The following ENTREP2 variants were observed in gnomAD, a reference collection of about 807,000 sequenced individuals.
The protein encoded by ENTREP2 is endosomal transmembrane epsin interactor 2, also known as protein ENTREP2.
chr15:29,537,320 C>T, the ENTREP2 span, among the ~76,000 whole-genome samples: 2 of 152,140 alleles, frequency 1.3e-5, no homozygotes, highest in Non-Finnish European at 2.9e-5. Flanking sequence ...CTCACACCGC[C>T]AGACACAAAC....
At chr15:29,665,991 T>C in the ENTREP2 span, among the ~76,000 whole-genome samples, 1 of 151,528 alleles carries the variant, frequency 6.6e-6, no homozygotes. Context: ...GTAGCTGGGA[T>C]TGCAGGCACA....
At chr15:29,354,021 G>A in the ENTREP2 span, among the ~76,000 whole-genome samples, 2 of 152,208 alleles carry the variant, frequency 1.3e-5, no homozygotes, top group Admixed American at 1.3e-4. Context: ...ATGTGTGTCA[G>A]GGTGTCTCCA....
the ENTREP2 span, among the ~76,000 whole-genome samples, chr15:29,651,032 ATAAAACTGGTTAAG>A: frequency 6.6e-6 from 1 of 152,178 alleles, no homozygotes; most frequent in South Asian, 2.1e-4. Flanking sequence ...CATAAAAATA[ATAAAACTGGTTAAG>A]TTATCTGAAG....
chr15:29,217,809 T>C, the ENTREP2 span, among the ~76,000 whole-genome samples: 25 of 152,296 alleles, frequency 1.6e-4, 1 homozygote, highest in Middle Eastern at 6.8e-3. Flanking sequence ...GTGTGATTTT[T>C]TGGGGGTGTT....
At chr15:29,280,071 T>TA in the ENTREP2 span, among the ~76,000 whole-genome samples, 50 of 152,084 alleles carry the variant, frequency 3.3e-4, no homozygotes, top group Middle Eastern at 3.4e-3. Context: ...CATTTCACAG[T>TA]AAAAAAAACC....
chr15:29,534,526 C>T, the ENTREP2 span, among the ~76,000 whole-genome samples: 18 of 152,246 alleles, frequency 1.2e-4, no homozygotes, highest in South Asian at 3.7e-3. Context: ...ATAAATGACC[C>T]AGATTAGTCT....
the ENTREP2 span, among the ~76,000 whole-genome samples, chr15:29,259,633 C>A: frequency 6.6e-6 from 1 of 152,038 alleles, no homozygotes. Context: ...TTACTAACCA[C>A]CCCCTACACC....
chr15:29,381,025 C>T, the ENTREP2 span, among the ~76,000 whole-genome samples: 62 of 151,608 alleles, frequency 4.1e-4, no homozygotes, highest in African/African-American at 1.4e-3. Flanking sequence ...GCTAATTTTT[C>T]TAATTTTAGT....
chr15:29,278,405 GT>G, the ENTREP2 span, among the ~76,000 whole-genome samples: 1 of 152,310 alleles, frequency 6.6e-6, no homozygotes, highest in South Asian at 2.1e-4. Flanking sequence ...GTCCACAGCT[GT>G]CCCCTTTCTG....
the ENTREP2 span, among the ~76,000 whole-genome samples, chr15:29,426,408 A>AT: frequency 3.3e-5 from 5 of 152,082 alleles, no homozygotes; most frequent in East Asian, 1.9e-4. Context: ...CTTATCTTTG[A>AT]TTTTTTTTGA....
the ENTREP2 span, among the ~76,000 whole-genome samples, chr15:29,535,494 T>A: frequency 6.6e-6 from 1 of 152,128 alleles, no homozygotes; most frequent in Non-Finnish European, 1.5e-5. Context: ...AGTTCAAGAC[T>A]AGCCTGGTGA....
the ENTREP2 span, among the ~76,000 whole-genome samples, chr15:29,387,910 A>G: frequency 6.6e-6 from 1 of 152,254 alleles, no homozygotes; most frequent in Non-Finnish European, 1.5e-5. Flanking sequence ...AAAACTGGCT[A>G]GCCATACGTA....
At chr15:29,544,850 C>CT in the ENTREP2 span, among the ~76,000 whole-genome samples, 1 of 152,176 alleles carries the variant, frequency 6.6e-6, no homozygotes. Flanking sequence ...AAGAAACAAA[C>CT]TGAGAAACAG....
chr15:29,397,528 G>A, the ENTREP2 span, among the ~76,000 whole-genome samples: 1 of 152,162 alleles, frequency 6.6e-6, no homozygotes, highest in African/African-American at 2.4e-5. Context: ...CACTTACAGG[G>A]CTGTAGAGAA....
chr15:29,655,024 T>C, the ENTREP2 span, among the ~76,000 whole-genome samples: 1 of 152,190 alleles, frequency 6.6e-6, no homozygotes, highest in African/African-American at 2.4e-5. Context: ...TCAAATGATT[T>C]GTAAACAGCT....
chr15:29,645,453 C>T, the ENTREP2 span, among the ~76,000 whole-genome samples: 46 of 152,264 alleles, frequency 3.0e-4, no homozygotes, highest in African/African-American at 1.0e-3. Flanking sequence ...TGTTGAAAAC[C>T]GCAGCAATGA....
chr15:29,570,947 C>G, the ENTREP2 span, among the ~76,000 whole-genome samples: 1 of 144,718 alleles, frequency 6.9e-6, no homozygotes, highest in Admixed American at 6.8e-5. Flanking sequence ...GCCGCCGCGC[C>G]GCCCGCCCGC....
the ENTREP2 span, among the ~76,000 whole-genome samples, chr15:29,363,841 A>G: frequency 2.6e-5 from 4 of 152,316 alleles, no homozygotes; most frequent in Admixed American, 2.6e-4. Flanking sequence ...AGGGCTAATT[A>G]TCGGACACCT....
the ENTREP2 span, among the ~76,000 whole-genome samples, chr15:29,180,505 A>T: frequency 0.022 from 3,400 of 152,162 alleles, 115 homozygotes; most frequent in African/African-American, 0.078. Context: ...TCTCTACTAA[A>T]ATACAAAAAT....
Sources: gnomAD v4.1 joint callset for allele counts (sites outside exome capture counted in the v4.1 genomes callset) on GRCh38, gnomAD v4.1.1 for gene constraint, MANE v1.5 for transcripts, NCBI Gene and HGNC (gene_info 2026-07-23, HGNC 2026-07-21) for gene names.